The following OR9Q1 variants were observed in gnomAD, a reference collection of about 807,000 sequenced individuals.
OR9Q1 encodes olfactory receptor 9Q1.
For synonymous variants in OR9Q1, 153 were observed against 148.6 expected, an observed-to-expected ratio of 1.03 and a Z score of -0.22; for missense variants, 374 against 378.8, an observed-to-expected ratio of 0.99 and a Z score of 0.11.
chr11:58,024,125 A>C (rs1275842171), intron 1 of OR9Q1, 21 bp downstream of exon 1: 2 of 152,270 alleles, frequency 1.3e-5, no homozygotes, highest in East Asian at 1.9e-4. Context: ...ATGCAGCTCC[A>C]CTGATTTCAG....
chr11:58,058,398 A>C (rs903971126), intron 2 of OR9Q1, among the ~76,000 whole-genome samples: 8 of 152,130 alleles, frequency 5.3e-5, no homozygotes, highest in Non-Finnish European at 1.2e-4. Context: ...CACTCCTCCC[A>C]CAGCTTCCTC....
intron 1 of OR9Q1, among the ~76,000 whole-genome samples, chr11:58,030,200 C>T (rs1415165198): frequency 6.6e-6 from 1 of 152,128 alleles, no homozygotes; most frequent in Non-Finnish European, 1.5e-5. Flanking sequence ...AAAAGAATAG[C>T]ATTGCTTCTC....
chr11:58,167,910 A>G (rs1400615453), intron 2 of OR9Q1, among the ~76,000 whole-genome samples: 1 of 152,192 alleles, frequency 6.6e-6, no homozygotes, highest in East Asian at 1.9e-4. Flanking sequence ...CCATAAAACC[A>G]GCAAATATTC....
chr11:58,111,893 T>C (rs953312131), intron 2 of OR9Q1, among the ~76,000 whole-genome samples: 28 of 145,908 alleles, frequency 1.9e-4, no homozygotes, highest in Admixed American at 5.5e-4. Flanking sequence ...TTGGGGGGGG[T>C]GGGCATGGAA....
At chr11:58,046,543 T>C (rs1463031780) in intron 1 of OR9Q1, among the ~76,000 whole-genome samples, 1 of 152,188 alleles carries the variant, frequency 6.6e-6, no homozygotes, top group Non-Finnish European at 1.5e-5. Context: ...GGCATGATGA[T>C]AGTTGAGATG....
At chr11:58,111,216 C>T (rs1034631896) in intron 2 of OR9Q1, among the ~76,000 whole-genome samples, 1 of 152,144 alleles carries the variant, frequency 6.6e-6, no homozygotes, top group South Asian at 2.1e-4. Flanking sequence ...GCTCCCACCT[C>T]CTTTAGCCTA....
chr11:58,121,558 C>T (rs1246431771), intron 2 of OR9Q1, among the ~76,000 whole-genome samples: 1 of 152,180 alleles, frequency 6.6e-6, no homozygotes, highest in Non-Finnish European at 1.5e-5. Context: ...ACCAAGTCTC[C>T]AGATTCCATT....
intron 2 of OR9Q1, among the ~76,000 whole-genome samples, chr11:58,140,365 C>A (rs1295918640): frequency 2.0e-5 from 3 of 152,108 alleles, no homozygotes; most frequent in Non-Finnish European, 4.4e-5. Flanking sequence ...CTTGCCCATG[C>A]CTATGTCCTG....
At chr11:58,132,643 G>C (rs1854152820) in intron 2 of OR9Q1, among the ~76,000 whole-genome samples, 1 of 152,158 alleles carries the variant, frequency 6.6e-6, no homozygotes, top group African/African-American at 2.4e-5. Context: ...TGGTCAGAAA[G>C]GGTCACCTTG....
At chr11:58,053,519 A>C (rs1853289946) in intron 1 of OR9Q1, among the ~76,000 whole-genome samples, 1 of 145,212 alleles carries the variant, frequency 6.9e-6, no homozygotes, top group Non-Finnish European at 1.5e-5. Context: ...TAATGGGTGC[A>C]GCACACCAGC....
chr11:58,108,092 G>A (rs938432124), intron 2 of OR9Q1, among the ~76,000 whole-genome samples: 1 of 152,150 alleles, frequency 6.6e-6, no homozygotes, highest in African/African-American at 2.4e-5. Flanking sequence ...AGATATTATA[G>A]TCCTGCAGAT....
At chr11:58,167,008 T>C (rs2122801) in intron 2 of OR9Q1, among the ~76,000 whole-genome samples, 103,741 of 152,036 alleles carry the variant, frequency 0.68, 35,839 homozygotes, top group East Asian at 0.88. Context: ...ATCTACCCGT[T>C]TCCCACTCCC....
intron 1 of OR9Q1, chr11:58,030,870 AC>A (rs1853025260): frequency 2.4e-6 from 2 of 832,482 alleles, no homozygotes; most frequent in South Asian, 3.2e-5. Context: ...GCATTTTAGT[AC>A]AACATCCTCC....
At chr11:58,130,461 G>T (rs1288571257) in intron 2 of OR9Q1, among the ~76,000 whole-genome samples, 1 of 152,128 alleles carries the variant, frequency 6.6e-6, no homozygotes, top group Admixed American at 6.5e-5. Context: ...CTTGAAGTCA[G>T]TTGGCTAATT....
At position 58,068,783 on chromosome 11, in the gene OR9Q1, C is replaced by T. The variant is rs1014935873; in HGVS notation, c.-15+12836C>T. Among the ~76,000 whole-genome samples the T allele has an allele frequency of 5.7e-4, 87 of 152,048 alleles. 1 individual carries two copies. The highest frequency in any genetic ancestry group is 8.8e-5 in the Non-Finnish European group (6 of 68,002). On this transcript the variant is annotated intron_variant, in intron 2 of 2. Coordinates refer to ENST00000335397, the MANE Select transcript of OR9Q1 (RefSeq NM_001005212.4). ...GCATAGTGGTGTGAATAGCGGCTCT[C>T]AGGGGCACTCCAGAGAGCAGTTTGG...
chr11:58,060,875 G>C (rs1853374584), intron 2 of OR9Q1, among the ~76,000 whole-genome samples: 1 of 152,010 alleles, frequency 6.6e-6, no homozygotes, highest in Non-Finnish European at 1.5e-5. Flanking sequence ...CTGCCGTACA[G>C]CCTTCCCTGA....
intron 2 of OR9Q1, among the ~76,000 whole-genome samples, chr11:58,122,338 C>A (rs1210512391): frequency 6.6e-6 from 1 of 152,186 alleles, no homozygotes; most frequent in East Asian, 1.9e-4. Context: ...CTTTGGAAGG[C>A]CTTCATGGTA....
intron 1 of OR9Q1, among the ~76,000 whole-genome samples, chr11:58,043,457 G>T (rs1421808505): frequency 6.6e-6 from 1 of 152,146 alleles, no homozygotes; most frequent in Middle Eastern, 3.2e-3. Context: ...TACTGAAGTA[G>T]TTCAGAGGCT....
intron 2 of OR9Q1, among the ~76,000 whole-genome samples, chr11:58,085,266 A>G (rs1418668747): frequency 1.3e-5 from 2 of 151,906 alleles, no homozygotes; most frequent in African/African-American, 2.4e-5. Context: ...AATAGACAAT[A>G]AAAACTATTT....
Sources: gnomAD v4.1 joint callset for allele counts (sites outside exome capture counted in the v4.1 genomes callset) on GRCh38, gnomAD v4.1.1 for gene constraint, MANE v1.5 for transcripts, NCBI Gene and HGNC (gene_info 2026-07-23, HGNC 2026-07-21) for gene names.